AUTS2: variants seen among roughly 807,000 people sequenced by gnomAD.
AUTS2 encodes activator of transcription and developmental regulator AUTS2, also known as autism susceptibility gene 2 protein.
AUTS2 carries 17 observed loss-of-function variants against 112.4 expected under a neutral mutation model. That is an observed-to-expected ratio of 0.15 (90% CI 0.10 to 0.23). The LOEUF (loss-of-function observed/expected upper bound fraction) is 0.23, where lower values mean the gene tolerates loss of function less well. Ranked by LOEUF, AUTS2 falls within the 10% of genes least tolerant of loss-of-function variation. The probability of loss-of-function intolerance (pLI) is 1.00; values close to 1 mark genes in which losing one functional copy is unlikely to be tolerated. For missense variants in AUTS2, 1,510 were observed against 1,701.6 expected (o/e 0.89, Z 1.98); for synonymous variants, 751 against 702.7 (o/e 1.07, Z -1.09).
chr7:70,581,406 A>AAATT lies in AUTS2; in HGVS notation c.691-117161_691-117158dup, dbSNP rs1308237668. ...CGTCTCAATAAATAAATAAATAAAT[A>AAATT]AATTAGCCGGGTGCGATGGCATGTG... On this transcript the variant is annotated intron_variant, in intron 5 of 18. Coordinates refer to ENST00000342771, the MANE Select transcript of AUTS2 (RefSeq NM_015570.4). Among the ~76,000 whole-genome samples the AAATT allele has an allele frequency of 5.3e-4, 80 of 152,152 alleles. 1 individual carries two copies. The highest frequency in any genetic ancestry group is 1.6e-4 in the Non-Finnish European group (11 of 68,038).
At chr7:70,386,129 C>A (rs900221578) in intron 4 of AUTS2, among the ~76,000 whole-genome samples, 6 of 152,190 alleles carry the variant, frequency 3.9e-5, no homozygotes, top group Non-Finnish European at 2.9e-5. Flanking sequence ...GCATACAATA[C>A]TGAGAAGCCC....
In AUTS2 at chr7:69,713,462, T is replaced by G. The variant is rs547177283; in HGVS notation, c.309+113500T>G. 1.8e-4 allele frequency among the ~76,000 whole-genome samples: 26 copies of G among 147,116 alleles called. 2 individuals are homozygous for G. The South Asian group carries it at 5.2e-3, about 30-fold the overall frequency. Reference sequence around the variant, plus strand: ...TAACTACTATTCTGCTTTCAAGAGTTTTTTTTTTTTTTTTTGAGAGGGAGT... The same window carrying G: ...TAACTACTATTCTGCTTTCAAGAGTGTTTTTTTTTTTTTTTGAGAGGGAGT... On this transcript the variant is annotated intron_variant, in intron 1 of 18. Coordinates refer to ENST00000342771, the MANE Select transcript of AUTS2 (RefSeq NM_015570.4).
rs181194421 is a variant in AUTS2 at position 70,048,728 on chromosome 7, T to G, written c.523-69404T>G. Among the ~76,000 whole-genome samples, 491 of 152,336 alleles carry G rather than the reference T, an allele frequency of 3.2e-3. 3 individuals are homozygous for G. Among genetic ancestry groups the G allele is most frequent in the Admixed American group, 6.5e-3 (100 of 15,302 alleles). Reference sequence around the variant, plus strand: ...AGGTTAAATGTAAACAGGAGAAAGGTGAGACCTGAGGTCCTTGTCAAAACT... The same window carrying G: ...AGGTTAAATGTAAACAGGAGAAAGGGGAGACCTGAGGTCCTTGTCAAAACT... On this transcript the variant is annotated intron_variant, in intron 2 of 18. Coordinates refer to ENST00000342771, the MANE Select transcript of AUTS2 (RefSeq NM_015570.4).
At chr7:70,678,148 C>T (rs534107538) in intron 5 of AUTS2, among the ~76,000 whole-genome samples, 46 of 152,158 alleles carry the variant, frequency 3.0e-4, no homozygotes, top group African/African-American at 8.4e-4. Context: ...GTGTAGTTGT[C>T]CTCTCTCCCT....
intron 2 of AUTS2, among the ~76,000 whole-genome samples, chr7:70,026,649 T>C (rs1021071243): frequency 3.3e-5 from 5 of 152,248 alleles, no homozygotes; most frequent in African/African-American, 1.2e-4. Context: ...TTCCTAACTT[T>C]AGATGACTGT....
intron 1 of AUTS2, among the ~76,000 whole-genome samples, chr7:69,788,431 G>A (rs1789472357): frequency 6.6e-6 from 1 of 151,844 alleles, no homozygotes; most frequent in Non-Finnish European, 1.5e-5. Flanking sequence ...GGGAAGGGCA[G>A]CAGCATGGTG....
intron 4 of AUTS2, chr7:70,292,126 T>C (rs1282541245): frequency 6.6e-6 from 1 of 152,232 alleles, no homozygotes; most frequent in East Asian, 1.9e-4. Flanking sequence ...GCTTCCATGA[T>C]GAGCATTTAT....
intron 1 of AUTS2, among the ~76,000 whole-genome samples, chr7:69,719,818 G>A (rs928983014): frequency 6.6e-6 from 1 of 152,172 alleles, no homozygotes; most frequent in South Asian, 2.1e-4. Flanking sequence ...TTAATCATAG[G>A]GGGAAGGAAT....
At chr7:70,024,243 A>G (rs1468687903) in intron 2 of AUTS2, among the ~76,000 whole-genome samples, 3 of 152,252 alleles carry the variant, frequency 2.0e-5, no homozygotes, top group African/African-American at 7.2e-5. Context: ...AGTCCTAATT[A>G]TGTCCTAATG....
At chr7:69,966,719 A>G (rs1797648647) in intron 2 of AUTS2, among the ~76,000 whole-genome samples, 1 of 152,138 alleles carries the variant, frequency 6.6e-6, no homozygotes, top group Non-Finnish European at 1.5e-5. Context: ...TCTCACATCC[A>G]TGTATGCTCA....
intron 5 of AUTS2, among the ~76,000 whole-genome samples, chr7:70,597,391 G>A (rs1311627687): frequency 6.6e-6 from 1 of 152,200 alleles, no homozygotes; most frequent in Non-Finnish European, 1.5e-5. Context: ...AGAGTGAAAC[G>A]AGTGGGTCAT....
chr7:69,721,190 G>T (rs1562835411), intron 1 of AUTS2, among the ~76,000 whole-genome samples: 1 of 152,174 alleles, frequency 6.6e-6, no homozygotes, highest in African/African-American at 2.4e-5. Flanking sequence ...ATCTCTCTCT[G>T]ATCTTTGCCT....
At chr7:70,189,796 T>C (rs1809790655) in intron 4 of AUTS2, among the ~76,000 whole-genome samples, 1 of 152,204 alleles carries the variant, frequency 6.6e-6, no homozygotes, top group Non-Finnish European at 1.5e-5. Context: ...ATGAGCTTCA[T>C]TTTTTGAAGG....
intron 2 of AUTS2, among the ~76,000 whole-genome samples, chr7:70,076,600 C>T (rs1476966790): frequency 2.0e-5 from 3 of 152,052 alleles, no homozygotes; most frequent in African/African-American, 7.2e-5. Context: ...TCAATTATGT[C>T]AATATTTTTA....
chr7:69,706,078 A>G (rs977584438), intron 1 of AUTS2, among the ~76,000 whole-genome samples: 2 of 152,174 alleles, frequency 1.3e-5, no homozygotes, highest in African/African-American at 4.8e-5. Context: ...TACCCAACCC[A>G]TCCCCTCTGC....
At chr7:70,646,304 T>A (rs1294944951) in intron 5 of AUTS2, among the ~76,000 whole-genome samples, 1 of 152,168 alleles carries the variant, frequency 6.6e-6, no homozygotes, top group Non-Finnish European at 1.5e-5. Flanking sequence ...TGCAGTGAGG[T>A]TAAGGCAGAG....
At chr7:70,471,191 G>A (rs970313108) in intron 5 of AUTS2, among the ~76,000 whole-genome samples, 15 of 152,160 alleles carry the variant, frequency 9.9e-5, no homozygotes, top group African/African-American at 3.6e-4. Flanking sequence ...TCCCTTGTCG[G>A]ATATACTGTT....
rs187873092 is a variant in AUTS2 at position 70,579,779 on chromosome 7, T to G, written c.691-118790T>G. Among the ~76,000 whole-genome samples the G allele has an allele frequency of 1.1e-3, 175 of 152,328 alleles. 2 individuals carry two copies. The highest frequency in any genetic ancestry group is 4.1e-3 in the African/African-American group (172 of 41,574). ...TGAATTCACAATTCCTCTGATTTAG[T>G]GCCTCGTTTGTCACTTTCTTGAGGA... is the stretch of plus-strand genomic sequence containing the variant. On this transcript the variant is annotated intron_variant, in intron 5 of 18. Coordinates refer to ENST00000342771, the MANE Select transcript of AUTS2 (RefSeq NM_015570.4).
chr7:70,444,494 C>G (rs546651876), intron 5 of AUTS2, among the ~76,000 whole-genome samples: 2 of 152,034 alleles, frequency 1.3e-5, no homozygotes, highest in South Asian at 2.1e-4. Context: ...AATCAAATAT[C>G]TATATTAGGA....
Sources: allele counts gnomAD v4.1 joint callset (sites outside exome capture counted in the v4.1 genomes callset), GRCh38; gene constraint gnomAD v4.1.1; transcripts MANE v1.5; gene names NCBI Gene and HGNC (gene_info 2026-07-23, HGNC 2026-07-21).